SRRM3: variants seen among roughly 807,000 people sequenced by gnomAD.
SRRM3 encodes the protein serine/arginine repetitive matrix 3.
A neutral mutation model predicts 66.2 loss-of-function variants in SRRM3; 27 were observed. That is an observed-to-expected ratio of 0.41 (90% CI 0.30 to 0.56). The LOEUF (loss-of-function observed/expected upper bound fraction) is 0.56, where lower values mean the gene tolerates loss of function less well. SRRM3 is among the 20% of genes least tolerant of loss of function. The pLI, the probability that SRRM3 is intolerant of heterozygous loss-of-function variation, is 0.32. For synonymous variants in SRRM3, 391 were observed against 414.9 expected (o/e 0.94, Z 0.70); for missense variants, 918 against 991.9 (o/e 0.93, Z 1.00).
At chr7:76,225,108 C>A (rs1308118174) in intron 1 of SRRM3, among the ~76,000 whole-genome samples, 2 of 152,164 alleles carry the variant, frequency 1.3e-5, no homozygotes, top group Non-Finnish European at 2.9e-5. Flanking sequence ...CGAATCCCAA[C>A]ACTCCATTTT....
chr7:76,231,804 A>G (rs1554604252), intron 1 of SRRM3, among the ~76,000 whole-genome samples: 1 of 152,236 alleles, frequency 6.6e-6, no homozygotes, highest in East Asian at 1.9e-4. Flanking sequence ...GAAGAGCGGA[A>G]GATTCCCAGA....
At chr7:76,237,023 TG>T (rs1801169680) in intron 2 of SRRM3, among the ~76,000 whole-genome samples, 1 of 152,036 alleles carries the variant, frequency 6.6e-6, no homozygotes, top group Non-Finnish European at 1.5e-5. Context: ...CCCGGCACTT[TG>T]GGAGGCCGAA....
At chr7:76,268,385 GGGGT>G (rs1802127281) in intron 11 of SRRM3, 1 of 151,484 alleles carries the variant, frequency 6.6e-6, no homozygotes, top group South Asian at 2.1e-4. Context: ...CAGGGGCACT[GGGGT>G]GGGTGGGGGG....
At chr7:76,248,711 G>A (rs1801500652) in intron 3 of SRRM3, among the ~76,000 whole-genome samples, 1 of 152,200 alleles carries the variant, frequency 6.6e-6, no homozygotes, top group Admixed American at 6.5e-5. Context: ...GGGTACAGTG[G>A]CTCAAGCCTG....
intron 1 of SRRM3, among the ~76,000 whole-genome samples, chr7:76,229,708 T>A (rs1332489527): frequency 6.6e-6 from 1 of 152,120 alleles, no homozygotes; most frequent in Non-Finnish European, 1.5e-5. Context: ...TGTGGCACTT[T>A]TCACTATCCT....
chr7:76,275,426 C>A lies in SRRM3; in HGVS notation c.1009-6015C>A, dbSNP rs140283059. Among the ~76,000 whole-genome samples the A allele has an allele frequency of 4.5e-3, 672 of 148,560 alleles. 6 individuals are homozygous for A. Among genetic ancestry groups the A allele is most frequent in the African/African-American group, 0.016 (639 of 40,082 alleles). On this transcript the variant is annotated intron_variant, in intron 11 of 14. Coordinates refer to ENST00000611745, the MANE Select transcript of SRRM3 (RefSeq NM_001110199.3). Reference sequence around the variant, plus strand: ...ATCGCTTGAGCCCAGGAATTTGAGGCTACAGTGAACCATGACTGCACCACT... The same window carrying A: ...ATCGCTTGAGCCCAGGAATTTGAGGATACAGTGAACCATGACTGCACCACT...
intron 3 of SRRM3, among the ~76,000 whole-genome samples, chr7:76,256,079 G>C (rs1801705263): frequency 6.6e-6 from 1 of 152,162 alleles, no homozygotes; most frequent in Non-Finnish European, 1.5e-5. Flanking sequence ...ACCTGTCTCT[G>C]TGAATCTGTT....
Position 76,260,009 on chromosome 7 carries a change from T to A in SRRM3, c.439T>A (p.Cys147Ser). Residue 147 changes from cysteine (C) to serine (S), a missense_variant, in exon 4 of 15, where the codon TGC becomes AGC. Transcript: ENST00000611745. ...GPVDCDCPAS[C>S]YRGHRGYRTK... ...AGTGGACTGTGACTGCCCGGCCTCCTGCTACCGCGGCCACCGCGGGTACAG... is the reference window on the plus strand; with the variant it reads ...AGTGGACTGTGACTGCCCGGCCTCCAGCTACCGCGGCCACCGCGGGTACAG... 6.3e-7 allele frequency: 1 copy of A among 1,580,852 alleles called. No individual in the cohort carries two copies. Among genetic ancestry groups the A allele is most frequent in the Admixed American group, 1.8e-5 (1 of 56,530 alleles).
intron 11 of SRRM3, among the ~76,000 whole-genome samples, chr7:76,278,302 C>A (rs1282766616): frequency 6.6e-6 from 1 of 152,108 alleles, no homozygotes; most frequent in African/African-American, 2.4e-5. Flanking sequence ...GCCTGGCCAA[C>A]TTGGTGAAAC....
chr7:76,256,071 C>A (rs1287095817), intron 3 of SRRM3, among the ~76,000 whole-genome samples: 1 of 152,156 alleles, frequency 6.6e-6, no homozygotes, highest in Non-Finnish European at 1.5e-5. Flanking sequence ...GGATTCAAAC[C>A]TGTCTCTGTG....
At chr7:76,283,244 G>A (rs1290541214) in intron 14 of SRRM3, 143 bp downstream of exon 14, 2 of 1,032,192 alleles carry the variant, frequency 1.9e-6, no homozygotes, top group Non-Finnish European at 2.6e-6. Flanking sequence ...GGGACAATGA[G>A]TGGGTTCTGC....
chr7:76,226,660 A>G (rs1479238465), intron 1 of SRRM3, among the ~76,000 whole-genome samples: 5 of 152,066 alleles, frequency 3.3e-5, no homozygotes, highest in Non-Finnish European at 5.9e-5. Flanking sequence ...GTGTGATCTC[A>G]GCTCACTGCA....
chr7:76,243,448 C>T (rs1391225538), intron 2 of SRRM3, among the ~76,000 whole-genome samples: 1 of 152,176 alleles, frequency 6.6e-6, no homozygotes, highest in Non-Finnish European at 1.5e-5. Flanking sequence ...GGGACCCTCC[C>T]CAAGCCTCTG....
intron 1 of SRRM3, among the ~76,000 whole-genome samples, chr7:76,208,104 G>A (rs1454721349): frequency 7.2e-5 from 11 of 152,256 alleles, no homozygotes; most frequent in Non-Finnish European, 1.6e-4. Flanking sequence ...CCCTCTGCCA[G>A]GGATTGAGGT....
intron 2 of SRRM3, among the ~76,000 whole-genome samples, chr7:76,239,789 C>T (rs2117008361): frequency 6.6e-6 from 1 of 152,304 alleles, no homozygotes; most frequent in South Asian, 2.1e-4. Context: ...CCTGTAATCC[C>T]AGTACTTTGG....
intron 1 of SRRM3, among the ~76,000 whole-genome samples, chr7:76,232,090 T>G (rs782620922): frequency 4.6e-5 from 7 of 152,144 alleles, no homozygotes; most frequent in Admixed American, 2.0e-4. Context: ...TCCTCTCTCT[T>G]GCCTCCTGTT....
rs200421800 is a variant in SRRM3, at chr7:76,208,836, G to GA, written c.-40+6779dup. 3.0e-3 allele frequency among the ~76,000 whole-genome samples: 283 copies of GA among 93,632 alleles called. 2 individuals carry two copies. The Middle Eastern group carries it at 0.034, about 11-fold the overall frequency. The allele number at this position is 93,632 out of a possible 152,430, so 61.4% of individuals were successfully genotyped here. ...AGTGAGTGTAGAGCAAGAAGACCCT[G>GA]AAAAAAAAAAGAAAGAAAAAAGAAA... On this transcript the variant is annotated intron_variant, in intron 1 of 14. Coordinates refer to ENST00000611745, the MANE Select transcript of SRRM3 (RefSeq NM_001110199.3).
chr7:76,239,428 G>T (rs565070289), intron 2 of SRRM3, among the ~76,000 whole-genome samples: 2 of 152,248 alleles, frequency 1.3e-5, no homozygotes, highest in African/African-American at 4.8e-5. Flanking sequence ...AGCCGCTGTG[G>T]CTCATGCCTA....
intron 1 of SRRM3, among the ~76,000 whole-genome samples, chr7:76,221,246 A>G (rs1275911674): frequency 2.0e-5 from 3 of 149,662 alleles, no homozygotes; most frequent in Non-Finnish European, 4.4e-5. Context: ...TTAGTAAAAG[A>G]GTTTTGCCAT....
Sources: allele counts gnomAD v4.1 joint callset (sites outside exome capture counted in the v4.1 genomes callset), GRCh38; gene constraint gnomAD v4.1.1; transcripts MANE v1.5; gene names NCBI Gene and HGNC (gene_info 2026-07-23, HGNC 2026-07-21).